The following RRM1 variants were observed in gnomAD, a reference collection of about 807,000 sequenced individuals.
The protein encoded by RRM1 is ribonucleotide reductase catalytic subunit M1.
RRM1 carries 19 observed loss-of-function variants against 101.5 expected under a neutral mutation model. The ratio of observed to expected loss-of-function variants is 0.19; its 90% CI spans 0.13 to 0.27. The LOEUF is 0.27. RRM1 is among the 10% of genes least tolerant of loss of function. RRM1 has a pLI of 1.00. For missense variants in RRM1, 500 were observed against 962.9 expected (o/e 0.52, Z 6.36); for synonymous variants, 298 against 323.4 (o/e 0.92, Z 0.84).
Position 4,138,766 on chromosome 11 carries a change from G to T in RRM1, c.*383G>T. 1 of 212,896 alleles carries T rather than the reference G, an allele frequency of 4.7e-6. No individual in the cohort carries two copies. The allele number at this position is 212,896 out of a possible 1,614,324, so 13.2% of individuals were successfully genotyped here. A position where few individuals can be genotyped will look rare whatever the true frequency, so the allele number is the denominator to read the frequency against. On this transcript the variant is annotated 3_prime_UTR_variant, in exon 19 of 19. Transcript: ENST00000300738. ...ATTTAGTTTTACTGCTTTGACTGGT[G>T]GGTCTCTAGAAGCAAAACTGAGTGA...
chr11:4,103,593 C>T (rs2094554496), intron 2 of RRM1, among the ~76,000 whole-genome samples: 1 of 152,096 alleles, frequency 6.6e-6, no homozygotes, highest in African/African-American at 2.4e-5. Context: ...GTAATCCCAG[C>T]ACTTTGGGAG....
intron 7 of RRM1, among the ~76,000 whole-genome samples, chr11:4,116,966 C>CA (rs143763284): frequency 0.081 from 10,499 of 129,144 alleles, 492 homozygotes; most frequent in African/African-American, 0.15. Context: ...AACCCTGTCT[C>CA]AAAAAAAAAG....
rs1228177715 is a variant in RRM1 at position 4,132,786 on chromosome 11, T to C, written c.1905+365T>C. Among the ~76,000 whole-genome samples the C allele has an allele frequency of 2.0e-5, 3 of 152,206 alleles. No homozygotes were observed. The highest frequency in any genetic ancestry group is 7.2e-5 in the African/African-American group (3 of 41,450). On this transcript the variant is annotated intron_variant, in intron 16 of 18. Coordinates refer to ENST00000300738, the MANE Select transcript of RRM1 (RefSeq NM_001033.5). The surrounding 1 kb of genome is among the most constrained non-coding windows in gnomAD (Gnocchi z 4.1). ...TCATTTAAGGCAGTGGTTCTCAGAC[T>C]TGGTTACCAATTAGAATTTATGGTG...
intron 7 of RRM1, among the ~76,000 whole-genome samples, chr11:4,113,494 A>T (rs1285670299): frequency 6.6e-6 from 1 of 152,266 alleles, no homozygotes; most frequent in Non-Finnish European, 1.5e-5. Flanking sequence ...TCAGCAAAAT[A>T]TCTGGATATA....
chr11:4,132,551 C>T lies in RRM1; in HGVS notation c.1905+130C>T. 1.3e-6 allele frequency: 1 copy of T among 770,728 alleles called. No individual in the cohort carries two copies. The highest frequency in any genetic ancestry group is 2.3e-5 in the Admixed American group (1 of 43,302). The allele number at this position is 770,728 out of a possible 1,614,324, so 47.7% of individuals were successfully genotyped here. On this transcript the variant is annotated intron_variant, in intron 16 of 18. Coordinates refer to ENST00000300738, the MANE Select transcript of RRM1 (RefSeq NM_001033.5). The surrounding 1 kb of genome is among the most constrained non-coding windows in gnomAD (Gnocchi z 4.1). ...AAACTTTGATAAAGACAGTCATCTT[C>T]ATCTCTAATATTATTATTTGTTATT... is the stretch of plus-strand genomic sequence containing the variant.
At chr11:4,102,133 C>A in intron 2 of RRM1, 52 bp downstream of exon 2, 1 of 928,470 alleles carries the variant, frequency 1.1e-6, no homozygotes, top group South Asian at 1.4e-5. Flanking sequence ...TGTTTCTTTC[C>A]ATTTGTCTCT....
In RRM1 at chr11:4,114,141, A is replaced by G. The variant is rs1032742160; in HGVS notation, c.650+2079A>G. On this transcript the variant is annotated intron_variant, in intron 7 of 18. Transcript: ENST00000300738. ...CAGAGCGAGACTCCGTCTCCAAAAA[A>G]GAAAGAAAAGATAAAAAAAAAGATA... Among the ~76,000 whole-genome samples the G allele has an allele frequency of 5.9e-5, 9 of 151,756 alleles. No individual in the cohort carries two copies. The South Asian group carries it at 6.2e-4, about 11-fold the overall frequency.
intron 17 of RRM1, 133 bp downstream of exon 17, chr11:4,133,791 C>T: frequency 1.8e-6 from 1 of 549,130 alleles, no homozygotes; most frequent in Non-Finnish European, 3.2e-6. Context: ...CTCTGTTCAC[C>T]TCTGCATTGT....
chr11:4,125,950 T>G (rs1056564992), intron 12 of RRM1, among the ~76,000 whole-genome samples: 11 of 152,352 alleles, frequency 7.2e-5, no homozygotes, highest in Non-Finnish European at 1.3e-4. Context: ...GTTAAGACTT[T>G]GGCTTGGGAT....
At chr11:4,131,433 T>G (rs2094600195) in intron 15 of RRM1, among the ~76,000 whole-genome samples, 1 of 152,218 alleles carries the variant, frequency 6.6e-6, no homozygotes, top group African/African-American at 2.4e-5. Context: ...AAGCACTGTA[T>G]GAATCCATAG....
chr11:4,118,503 TA>T (rs1265519516), intron 8 of RRM1, 42 bp downstream of exon 8: 22 of 1,610,510 alleles, frequency 1.4e-5, no homozygotes, highest in Non-Finnish European at 1.8e-5. Flanking sequence ...GATTCAAGTC[TA>T]AAAGCAAACA....
At position 4,124,984 on chromosome 11, in the gene RRM1, G is replaced by A. The variant is rs1471746121; in HGVS notation, c.1320+1600G>A. 1.0e-4 allele frequency among the ~76,000 whole-genome samples: 15 copies of A among 149,178 alleles called. No individual in the cohort carries two copies. In the South Asian group the frequency reaches 1.1e-3, roughly 11 times the overall value. Reference sequence around the variant, plus strand: ...GGCTGGAGTGTAGTGGCTCGATCTCGGCTCACTGCAACCTCCGCCTCCTGG... The same window carrying A: ...GGCTGGAGTGTAGTGGCTCGATCTCAGCTCACTGCAACCTCCGCCTCCTGG... On this transcript the variant is annotated intron_variant, in intron 12 of 18. Coordinates refer to ENST00000300738, the MANE Select transcript of RRM1 (RefSeq NM_001033.5).
chr11:4,096,678 A>T (rs929891440), intron 1 of RRM1, among the ~76,000 whole-genome samples: 4 of 151,746 alleles, frequency 2.6e-5, no homozygotes, highest in African/African-American at 9.7e-5. Flanking sequence ...ATTTATTTGT[A>T]TTTTTTTAGA....
intron 7 of RRM1, among the ~76,000 whole-genome samples, chr11:4,118,065 A>T (rs1228723101): frequency 6.6e-6 from 1 of 152,206 alleles, no homozygotes; most frequent in Admixed American, 6.5e-5. Flanking sequence ...TTTTAGACTT[A>T]TCTATAAGAC....
intron 17 of RRM1, 92 bp downstream of exon 17, chr11:4,133,750 C>A: frequency 1.4e-6 from 1 of 693,704 alleles, no homozygotes; most frequent in South Asian, 1.9e-5. Flanking sequence ...AGAATGACTT[C>A]ATTGTGTTCA....
intron 14 of RRM1, among the ~76,000 whole-genome samples, chr11:4,128,844 T>G (rs2094594199): frequency 6.6e-6 from 1 of 152,196 alleles, no homozygotes. Flanking sequence ...TTTTCTGGTT[T>G]GTAGATATGA....
At chr11:4,109,339 A>G (rs1420102578) in intron 4 of RRM1, among the ~76,000 whole-genome samples, 3 of 152,072 alleles carry the variant, frequency 2.0e-5, no homozygotes, top group Non-Finnish European at 4.4e-5. Context: ...CTTTCAAAAC[A>G]TACTATAAAC....
intron 7 of RRM1, 102 bp downstream of exon 7, chr11:4,112,164 C>G: frequency 6.2e-6 from 5 of 807,150 alleles, no homozygotes; most frequent in Non-Finnish European, 9.8e-6. Context: ...GCTGCCTGCT[C>G]TGATTAAATG....
At chr11:4,109,222 A>G (rs2094562232) in intron 4 of RRM1, among the ~76,000 whole-genome samples, 1 of 151,442 alleles carries the variant, frequency 6.6e-6, no homozygotes. Flanking sequence ...ATAAATATAT[A>G]TATATATTAG....
Sources: allele counts gnomAD v4.1 joint callset (sites outside exome capture counted in the v4.1 genomes callset), GRCh38; gene constraint gnomAD v4.1.1; non-coding constraint Gnocchi (gnomAD v3.1); transcripts MANE v1.5; gene names NCBI Gene and HGNC (gene_info 2026-07-23, HGNC 2026-07-21).